CRTC1: variants seen among roughly 807,000 people sequenced by gnomAD.
CRTC1 encodes the protein CREB regulated transcription coactivator 1.
A neutral mutation model predicts 66.1 loss-of-function variants in CRTC1; 18 were observed. That is an observed-to-expected ratio of 0.27 (90% CI 0.19 to 0.40). The LOEUF is 0.40. CRTC1 is among the 10% of genes least tolerant of loss of function. The pLI is 1.00. For synonymous variants in CRTC1, 416 were observed against 398.8 expected (o/e 1.04, Z -0.51); for missense variants, 669 against 887.9 (o/e 0.75, Z 3.13).
At chr19:18,776,314 C>CA (rs1568545471) in intron 13 of CRTC1, among the ~76,000 whole-genome samples, 1 of 152,214 alleles carries the variant, frequency 6.6e-6, no homozygotes, top group African/African-American at 2.4e-5. Flanking sequence ...CTCCTGGGGA[C>CA]AAGCCAGCCC....
At chr19:18,701,120 C>T (rs1471899295) in intron 1 of CRTC1, among the ~76,000 whole-genome samples, 1 of 152,262 alleles carries the variant, frequency 6.6e-6, no homozygotes, top group Non-Finnish European at 1.5e-5. Flanking sequence ...GCAAGGAGCC[C>T]GCTAATCCCT....
chr19:18,768,158 C>T lies in CRTC1; in HGVS notation c.1012-327C>T, dbSNP rs921727848. Among the ~76,000 whole-genome samples the T allele has an allele frequency of 1.3e-5, 2 of 152,226 alleles. No individual in the cohort carries two copies. The highest frequency in any genetic ancestry group is 4.8e-5 in the African/African-American group (2 of 41,448). ...CCACAGGGGCTGGGAGCTGGCTGCTCACTGAGCCACCAGGGATGGCCATCC... is the reference window on the plus strand; with the variant it reads ...CCACAGGGGCTGGGAGCTGGCTGCTTACTGAGCCACCAGGGATGGCCATCC... On this transcript the variant is annotated intron_variant, in intron 9 of 13. Coordinates refer to ENST00000321949, the MANE Select transcript of CRTC1 (RefSeq NM_015321.3). This position sits in a 1 kb window ranked among gnomAD's most constrained non-coding sequence, Gnocchi z 5.6.
rs747593951 is a variant in CRTC1 at position 18,760,253 on chromosome 19, G to C, written c.886+25G>C. The C allele has an allele frequency of 6.5e-7, 1 of 1,538,564 alleles. No homozygotes were observed. The highest frequency in any genetic ancestry group is 8.8e-7 in the Non-Finnish European group (1 of 1,136,312). ...GGTAAGGCAGGGACACTCCGCCCTC[G>C]GACAGAGCACTGGCTTGTGGAGACA... On this transcript the variant is annotated intron_variant, in intron 8 of 13. Coordinates refer to ENST00000321949, the MANE Select transcript of CRTC1 (RefSeq NM_015321.3). The surrounding 1 kb of genome is among the most constrained non-coding windows in gnomAD (Gnocchi z 6.2).
chr19:18,752,071 T>G (rs1438486248), intron 5 of CRTC1, among the ~76,000 whole-genome samples: 1 of 149,748 alleles, frequency 6.7e-6, no homozygotes, highest in Non-Finnish European at 1.5e-5. Context: ...GAGAATCTCT[T>G]GAACCCAGTA....
At chr19:18,690,887 G>A (rs1484684876) in intron 1 of CRTC1, among the ~76,000 whole-genome samples, 4 of 152,024 alleles carry the variant, frequency 2.6e-5, no homozygotes, top group East Asian at 1.9e-4. Flanking sequence ...TTAGCTGGGC[G>A]TGGTGGTGAG....
intron 1 of CRTC1, among the ~76,000 whole-genome samples, chr19:18,731,661 C>G (rs2053891055): frequency 6.6e-6 from 1 of 152,098 alleles, no homozygotes; most frequent in African/African-American, 2.4e-5. Flanking sequence ...TGTGCTGCCT[C>G]CAGCTGGACA....
intron 1 of CRTC1, among the ~76,000 whole-genome samples, chr19:18,697,345 G>C (rs752366081): frequency 6.6e-6 from 1 of 152,154 alleles, no homozygotes; most frequent in Non-Finnish European, 1.5e-5. Context: ...AGACCTGGGA[G>C]GCCTCTTTTT....
rs1013830213 is a variant in CRTC1, at chr19:18,759,895, C to G, written c.666-113C>G. 3 of 862,790 alleles carry G rather than the reference C, an allele frequency of 3.5e-6. No individual in the cohort carries two copies. The African/African-American group carries it at 5.2e-5, about 15-fold the overall frequency. The allele number at this position is 862,790 out of a possible 1,614,324, so 53.4% of individuals were successfully genotyped here. A position where few individuals can be genotyped will look rare whatever the true frequency, so the allele number is the denominator to read the frequency against. On this transcript the variant is annotated intron_variant, in intron 7 of 13. Coordinates refer to ENST00000321949, the MANE Select transcript of CRTC1 (RefSeq NM_015321.3). ...ACAGTGGTTTCCCAAGCACACGGCA[C>G]CTGATGGGGGGTGGCCTTTTGCACC...
rs2054257876 is a variant in CRTC1, at chr19:18,747,100, C to T, written c.429C>T (p.Asp143=). Residue 143 remains aspartate (D), a synonymous_variant, in exon 4 of 14, where the codon GAC becomes GAT. Coordinates refer to ENST00000321949, the MANE Select transcript of CRTC1 (RefSeq NM_015321.3). ...YGTMYLSPPA[D]TSWRRTNSDS... ...CCATGTACCTCTCACCACCCGCGGA[C>T]ACCAGCTGGAGAAGGTCAGTGGCTG... 2 of 1,612,382 alleles carry T rather than the reference C, an allele frequency of 1.2e-6. No individual in the cohort carries two copies. The highest frequency in any genetic ancestry group is 8.5e-7 in the Non-Finnish European group (1 of 1,179,316).
chr19:18,736,224 C>T (rs542736763), intron 1 of CRTC1, among the ~76,000 whole-genome samples: 3 of 152,288 alleles, frequency 2.0e-5, no homozygotes, highest in Non-Finnish European at 2.9e-5. Context: ...GGCCTCCTGC[C>T]TTCATTCCAG....
intron 5 of CRTC1, among the ~76,000 whole-genome samples, chr19:18,750,262 G>C (rs1191450828): frequency 1.3e-5 from 2 of 152,196 alleles, no homozygotes; most frequent in African/African-American, 2.4e-5. Flanking sequence ...CACAGGTTCA[G>C]CTCCTTCCAC....
chr19:18,760,291 G>T lies in CRTC1; in HGVS notation c.886+63G>T. 1.5e-6 allele frequency: 2 copies of T among 1,338,224 alleles called. No individual in the cohort carries two copies. The highest frequency in any genetic ancestry group is 2.1e-6 in the Non-Finnish European group (2 of 967,922). 82.9% of individuals were successfully genotyped at this position (1,338,224 alleles called of 1,614,324 possible). The stretch of plus-strand genomic sequence containing the variant: ...GCTTGTGGAGACAACACGGGCATCT[G>T]CAGGATGACTTGGCAGAGTCCCGTT... On this transcript the variant is annotated intron_variant, in intron 8 of 13. Transcript: ENST00000321949. The surrounding 1 kb of genome is among the most constrained non-coding windows in gnomAD (Gnocchi z 6.2).
rs1555777060 is a variant in CRTC1, at chr19:18,705,982, T to TTA, written c.126+22154_126+22155insTA. ...CTCTCTCTCTCTTTTTTTTTTTTTT[T>TTA]AATGCTTTTTAGTATATTCATACTT... On this transcript the variant is annotated intron_variant, in intron 1 of 13. Transcript: ENST00000321949. 1.5e-3 allele frequency among the ~76,000 whole-genome samples: 230 copies of TTA among 149,500 alleles called. 3 individuals carry two copies. Among genetic ancestry groups the TTA allele is most frequent in the African/African-American group, 5.3e-3 (215 of 40,768 alleles).
chr19:18,712,588 T>C (rs1452276758), intron 1 of CRTC1, among the ~76,000 whole-genome samples: 1 of 152,148 alleles, frequency 6.6e-6, no homozygotes, highest in Non-Finnish European at 1.5e-5. Context: ...GTGTGCAATT[T>C]AGTGGCATTT....
chr19:18,740,361 G>C (rs912651207), intron 1 of CRTC1, among the ~76,000 whole-genome samples: 2 of 152,152 alleles, frequency 1.3e-5, no homozygotes, highest in Admixed American at 6.5e-5. Flanking sequence ...AATTCTCCCA[G>C]CATGGAGCAC....
intron 1 of CRTC1, among the ~76,000 whole-genome samples, chr19:18,725,579 A>C (rs2053732089): frequency 6.6e-6 from 1 of 152,136 alleles, no homozygotes; most frequent in South Asian, 2.1e-4. Context: ...ATGCGTGCTC[A>C]CAGGGGCACC....
intron 5 of CRTC1, among the ~76,000 whole-genome samples, chr19:18,752,870 T>G (rs2054397572): frequency 6.6e-6 from 1 of 151,732 alleles, no homozygotes; most frequent in African/African-American, 2.4e-5. Flanking sequence ...ACTCCTAACC[T>G]CGGGCGATCT....
rs966533313 is a variant in CRTC1, at chr19:18,768,350, C to T, written c.1012-135C>T. The T allele has an allele frequency of 1.6e-5, 11 of 705,282 alleles. No individual in the cohort carries two copies. Among genetic ancestry groups the T allele is most frequent in the Non-Finnish European group, 2.5e-5 (11 of 433,140 alleles). The allele number at this position is 705,282 out of a possible 1,614,324, so 43.7% of individuals were successfully genotyped here. On this transcript the variant is annotated intron_variant, in intron 9 of 13. Coordinates refer to ENST00000321949, the MANE Select transcript of CRTC1 (RefSeq NM_015321.3). The surrounding 1 kb of genome is among the most constrained non-coding windows in gnomAD (Gnocchi z 5.6). ...GCCTGGGCTCCCTCATCGTGAGGAG[C>T]ACCCAGCCCAGGGGCTGCCTGTGAT... is the stretch of plus-strand genomic sequence containing the variant.
rs546658136 is a variant in CRTC1, at chr19:18,750,358, GAGAA to G, written c.538+487_538+490del. Among the ~76,000 whole-genome samples, 218 of 152,322 alleles carry G rather than the reference GAGAA, an allele frequency of 1.4e-3. 1 individual carries two copies. Among genetic ancestry groups the G allele is most frequent in the Middle Eastern group, 0.014 (4 of 294 alleles). On this transcript the variant is annotated intron_variant, in intron 5 of 13. Coordinates refer to ENST00000321949, the MANE Select transcript of CRTC1 (RefSeq NM_015321.3). The stretch of plus-strand genomic sequence containing the variant: ...TGGGCCCGTCCTAGCTATAGCGAGT[GAGAA>G]AGAGGCCATCTCTTCCCAACTCTTG...
Sources: gnomAD v4.1 joint callset for allele counts (sites outside exome capture counted in the v4.1 genomes callset) on GRCh38, gnomAD v4.1.1 for gene constraint, Gnocchi (gnomAD v3.1) non-coding constraint, MANE v1.5 for transcripts, NCBI Gene and HGNC (gene_info 2026-07-23, HGNC 2026-07-21) for gene names.